RAD54L2: variants seen among roughly 807,000 people sequenced by gnomAD.
RAD54L2 encodes the protein helicase ARIP4.
A neutral mutation model predicts 138.4 loss-of-function variants in RAD54L2; 27 were observed. The observed-to-expected ratio is 0.20, with a 90% CI of 0.14 to 0.27. The LOEUF is 0.27. Ranked by LOEUF, RAD54L2 falls within the 10% of genes least tolerant of loss-of-function variation. RAD54L2 has a pLI of 1.00. For synonymous variants in RAD54L2, 644 were observed against 723.2 expected (o/e 0.89, Z 1.76); for missense variants, 1,396 against 1,890.2 (o/e 0.74, Z 4.85).
intron 1 of RAD54L2, among the ~76,000 whole-genome samples, chr3:51,540,810 G>A (rs1266555002): frequency 6.6e-6 from 1 of 152,096 alleles, no homozygotes; most frequent in Non-Finnish European, 1.5e-5. Context: ...CCAACACTTT[G>A]GGAGGTCGAG....
chr3:51,598,006 A>G (rs1440148392), intron 3 of RAD54L2, among the ~76,000 whole-genome samples: 1 of 151,242 alleles, frequency 6.6e-6, no homozygotes, highest in Non-Finnish European at 1.5e-5. Flanking sequence ...AGTGAAAGCC[A>G]GAACTCCTGA....
intron 2 of RAD54L2, among the ~76,000 whole-genome samples, chr3:51,551,759 CTTTT>C (rs1178998634): frequency 7.2e-6 from 1 of 139,350 alleles, no homozygotes; most frequent in Non-Finnish European, 1.6e-5. Context: ...CTTTTTCTTT[CTTTT>C]TTTTTTTTGA....
At chr3:51,546,043 A>G (rs760377191) in intron 2 of RAD54L2, among the ~76,000 whole-genome samples, 1 of 141,904 alleles carries the variant, frequency 7.0e-6, no homozygotes, top group Non-Finnish European at 1.5e-5. Flanking sequence ...GGTTCAAGTG[A>G]TTCTCCTGCC....
chr3:51,611,807 C>T (rs920815411), intron 3 of RAD54L2, among the ~76,000 whole-genome samples: 2 of 152,010 alleles, frequency 1.3e-5, no homozygotes, highest in African/African-American at 2.4e-5. Flanking sequence ...CCACCCGCCT[C>T]GGGCTCCCAA....
At chr3:51,540,457 G>A (rs1460757573) in intron 1 of RAD54L2, among the ~76,000 whole-genome samples, 1 of 152,186 alleles carries the variant, frequency 6.6e-6, no homozygotes, top group Non-Finnish European at 1.5e-5. Context: ...AAGACAGTAC[G>A]CAAACTCCAA....
intron 19 of RAD54L2, among the ~76,000 whole-genome samples, chr3:51,646,824 G>C (rs1701291554): frequency 2.0e-5 from 3 of 152,188 alleles, no homozygotes; most frequent in Admixed American, 2.0e-4. Context: ...GCCTCACTTA[G>C]AAGTGGTGTT....
At chr3:51,644,023 G>T in intron 16 of RAD54L2, 49 bp downstream of exon 16, 1 of 1,437,662 alleles carries the variant, frequency 7.0e-7, no homozygotes, top group Non-Finnish European at 9.5e-7. Context: ...TCAGGCAGTT[G>T]GCCACCTGGG....
At chr3:51,549,864 T>C (rs965135809) in intron 2 of RAD54L2, among the ~76,000 whole-genome samples, 1 of 152,012 alleles carries the variant, frequency 6.6e-6, no homozygotes, top group Admixed American at 6.6e-5. Context: ...CCAGTCCCAC[T>C]GTCTCCACAC....
chr3:51,581,286 C>CG (rs993212484), intron 2 of RAD54L2, among the ~76,000 whole-genome samples: 5 of 152,190 alleles, frequency 3.3e-5, no homozygotes, highest in Admixed American at 1.3e-4. Flanking sequence ...TTAGTAGAAA[C>CG]GGGGTTTCAC....
chr3:51,646,191 C>A, intron 18 of RAD54L2, 94 bp from the exon 19 acceptor site: 1 of 1,166,834 alleles, frequency 8.6e-7, no homozygotes, highest in Admixed American at 2.4e-5. Context: ...TTCGCTAGTG[C>A]TGGAGACAGC....
At chr3:51,566,049 C>T (rs529736470) in intron 2 of RAD54L2, among the ~76,000 whole-genome samples, 17 of 150,700 alleles carry the variant, frequency 1.1e-4, no homozygotes, top group South Asian at 4.2e-4. Context: ...AGGATAGTCT[C>T]GATCTCCTGA....
chr3:51,637,268 C>A lies in RAD54L2; in HGVS notation c.1447C>A (p.Arg483Ser). The change falls in exon 11 of 23, where the codon CGC (arginine) becomes AGC (serine). Residue 483 changes from arginine to serine, a missense_variant. Arg to Ser is a moderately radical substitution (Grantham distance 110). This residue lies in a region of RAD54L2 where 169 missense variants were observed against 235.6 expected (regional missense o/e 0.72). Transcript: ENST00000684192. The surrounding 1 kb of genome is among the most constrained non-coding windows in gnomAD (Gnocchi z 5.9). Reference sequence around the variant, plus strand: ...CACCTCACAGGCTCTGAAGAATATCCGCTCTCGCCGCCGGGTGGTGCTGAC... The same window carrying A: ...CACCTCACAGGCTCTGAAGAATATCAGCTCTCGCCGCCGGGTGGTGCTGAC... ...ASTSQALKNI[R>S]SRRRVVLTGY... The A allele has an allele frequency of 6.2e-7, 1 of 1,606,358 alleles. No individual in the cohort carries two copies. The highest frequency in any genetic ancestry group is 8.5e-7 in the Non-Finnish European group (1 of 1,176,482).
rs145367357 is a variant in RAD54L2 at position 51,662,612 on chromosome 3, A to G, written c.3596A>G (p.Asn1199Ser). 42 of 1,612,710 alleles carry G rather than the reference A, an allele frequency of 2.6e-5. No homozygotes were observed. Among genetic ancestry groups the G allele is most frequent in the Middle Eastern group, 1.6e-4 (1 of 6,080 alleles). The change falls in exon 23 of 23, where the codon AAT (asparagine) becomes AGT (serine). Residue 1199 changes from asparagine to serine, a missense_variant. Coordinates refer to ENST00000684192, the MANE Select transcript of RAD54L2 (RefSeq NM_015106.4). This position sits in a 1 kb window ranked among gnomAD's most constrained non-coding sequence, Gnocchi z 4.6. ...TCCCGTCAGAGCTCCCCAAGCACCA[A>G]TGCCGCCCTGCCTGGCCCCCCGGCC... ...RESRQSSPST[N>S]AALPGPPAQL...
intron 2 of RAD54L2, among the ~76,000 whole-genome samples, chr3:51,563,973 C>CTTG (rs1699157988): frequency 6.6e-6 from 1 of 152,212 alleles, no homozygotes; most frequent in African/African-American, 2.4e-5. Flanking sequence ...GTTTAGAAGG[C>CTTG]AGCCCAGAGG....
At chr3:51,628,242 C>G (rs1254386116) in intron 4 of RAD54L2, among the ~76,000 whole-genome samples, 1 of 151,914 alleles carries the variant, frequency 6.6e-6, no homozygotes, top group Non-Finnish European at 1.5e-5. Flanking sequence ...CATCAAATAA[C>G]AATGCGTGCC....
Position 51,627,591 on chromosome 3 carries a change from C to G in RAD54L2, c.178C>G (p.Gln60Glu), listed in dbSNP as rs1700720866. ...LEGMCGTEHA[Q>E]LGEDGQQPPR... ...AGGCATGTGTGGCACTGAGCATGCC[C>G]AGTTGGGAGAAGATGGGCAGCAGCC... Residue 60 changes from glutamine to glutamate, a missense_variant, in exon 4 of 23, where the codon CAG becomes GAG. Transcript: ENST00000684192. 3 of 1,555,976 alleles carry G rather than the reference C, an allele frequency of 1.9e-6. No homozygotes were observed. The Admixed American group carries it at 5.9e-5, about 30-fold the overall frequency.
chr3:51,642,029 G>A (rs527885149), intron 15 of RAD54L2, among the ~76,000 whole-genome samples, 162 bp downstream of exon 15: 1 of 152,292 alleles, frequency 6.6e-6, no homozygotes, highest in South Asian at 2.1e-4. Context: ...TGTTTACAAG[G>A]TACTGTACTA....
intron 3 of RAD54L2, among the ~76,000 whole-genome samples, chr3:51,611,995 C>T (rs1359673184): frequency 6.6e-6 from 1 of 152,102 alleles, no homozygotes; most frequent in Non-Finnish European, 1.5e-5. Flanking sequence ...AAGATTGCTT[C>T]TGGAATTCTG....
chr3:51,566,021 G>T (rs59307262), intron 2 of RAD54L2, among the ~76,000 whole-genome samples: 8 of 151,426 alleles, frequency 5.3e-5, no homozygotes, highest in Admixed American at 4.6e-4. Context: ...GTAGAGATGG[G>T]GTTTCACCAT....
Sources: gnomAD v4.1 joint callset for allele counts (sites outside exome capture counted in the v4.1 genomes callset) on GRCh38, gnomAD v4.1.1 for gene constraint, gnomAD v4.1.1 regional missense constraint, Gnocchi (gnomAD v3.1) non-coding constraint, MANE v1.5 for transcripts, NCBI Gene and HGNC (gene_info 2026-07-23, HGNC 2026-07-21) for gene names.